RDH12: variants seen among roughly 807,000 people sequenced by gnomAD.
The protein encoded by RDH12 is all-trans and 9-cis retinol dehydrogenase.
In RDH12, 21 loss-of-function variants were observed where a neutral mutation model predicts 34.0. That is an observed-to-expected ratio of 0.62 (90% CI 0.44 to 0.89). RDH12 has a LOEUF of 0.89. RDH12 is among the 40% of genes least tolerant of loss of function. The pLI is 0.00. For missense variants in RDH12, 394 were observed against 398.6 expected (o/e 0.99, Z 0.10); for synonymous variants, 198 against 169.9 (o/e 1.17, Z -1.29).
At chr14:67,725,952 C>A (rs1248324459) in intron 5 of RDH12, 99 bp from the exon 6 acceptor site, 8 of 847,358 alleles carry the variant, frequency 9.4e-6, no homozygotes, top group Non-Finnish European at 1.6e-5. Context: ...CCAACAAAGA[C>A]AACTAATGAA....
chr14:67,714,332 A>T (rs940017693), intron 1 of RDH12, among the ~76,000 whole-genome samples: 1 of 151,720 alleles, frequency 6.6e-6, no homozygotes, highest in Admixed American at 6.6e-5. Flanking sequence ...TAGAGCTGAG[A>T]TCTGATTATG....
At chr14:67,702,771 T>A (rs911840639) in intron 1 of RDH12, among the ~76,000 whole-genome samples, 1 of 152,216 alleles carries the variant, frequency 6.6e-6, no homozygotes, top group Non-Finnish European at 1.5e-5. Context: ...TAAACACATC[T>A]AAACACACAT....
At position 67,726,986 on chromosome 14, in the gene RDH12, T is replaced by A; in HGVS notation, c.454T>A (p.Phe152Ile). The change falls in exon 7 of 9, where the codon TTC becomes ATC. Residue 152 changes from phenylalanine to isoleucine, a missense_variant. Transcript: ENST00000551171. ...THLGVNHLGH[F>I]LLTYLLLERL... ...CCTGCTGGCTCTCCTCACAGGCCAC[T>A]TCCTCCTCACCTACCTGCTCCTGGA... The A allele has an allele frequency of 1.9e-6, 3 of 1,612,506 alleles. No homozygotes were observed. The highest frequency in any genetic ancestry group is 2.5e-6 in the Non-Finnish European group (3 of 1,179,986).
intron 1 of RDH12, among the ~76,000 whole-genome samples, chr14:67,706,580 G>A (rs938045050): frequency 2.0e-5 from 3 of 152,166 alleles, no homozygotes; most frequent in Non-Finnish European, 2.9e-5. Context: ...ACAAACAGGG[G>A]CATTCTTTTG....
chr14:67,725,463 G>A (rs2038174541), intron 5 of RDH12, among the ~76,000 whole-genome samples: 1 of 152,230 alleles, frequency 6.6e-6, no homozygotes, highest in Admixed American at 6.5e-5. Flanking sequence ...CCTCAGCAAT[G>A]GGAATGTCGG....
At chr14:67,713,465 A>C (rs1041844245) in intron 1 of RDH12, among the ~76,000 whole-genome samples, 2 of 149,342 alleles carry the variant, frequency 1.3e-5, no homozygotes, top group Admixed American at 6.7e-5. Flanking sequence ...TCTTGACCAA[A>C]TTTTGGGACA....
At chr14:67,720,999 C>T (rs986745174) in intron 2 of RDH12, 97 bp downstream of exon 2, 3 of 152,186 alleles carry the variant, frequency 2.0e-5, no homozygotes, top group African/African-American at 7.2e-5. Context: ...TGGTCAGGTC[C>T]ATGGGTTTCC....
chr14:67,705,001 A>G (rs2140104352), intron 1 of RDH12, among the ~76,000 whole-genome samples: 1 of 152,310 alleles, frequency 6.6e-6, no homozygotes, highest in African/African-American at 2.4e-5. Context: ...CAGGGAGGTC[A>G]CTCTGAAATC....
chr14:67,731,037 A>G (rs530525530), intron 8 of RDH12, among the ~76,000 whole-genome samples: 114 of 152,226 alleles, frequency 7.5e-4, no homozygotes, highest in African/African-American at 2.6e-3. Context: ...TGATTTTGCT[A>G]TTTGTGGGTT....
intron 1 of RDH12, among the ~76,000 whole-genome samples, chr14:67,713,216 ACT>A (rs1481168955): frequency 1.3e-5 from 2 of 151,750 alleles, no homozygotes; most frequent in South Asian, 2.1e-4. Context: ...GCTGAAAACA[ACT>A]CTCTACCATC....
intron 3 of RDH12, among the ~76,000 whole-genome samples, chr14:67,723,731 T>C (rs1389816367): frequency 6.6e-6 from 1 of 152,186 alleles, no homozygotes; most frequent in Non-Finnish European, 1.5e-5. Flanking sequence ...AAATTACATA[T>C]GGAAAGTGCC....
intron 8 of RDH12, chr14:67,729,952 T>C: frequency 2.6e-6 from 1 of 388,688 alleles, no homozygotes; most frequent in Non-Finnish European, 5.0e-6. Flanking sequence ...CAGCCCTGTC[T>C]GCTCTGTTGT....
chr14:67,725,593 T>G (rs913271315), intron 5 of RDH12, among the ~76,000 whole-genome samples: 3 of 152,244 alleles, frequency 2.0e-5, no homozygotes, highest in African/African-American at 7.2e-5. Context: ...GAAGTTGTGC[T>G]GCTGGCAAGT....
Position 67,734,067 on chromosome 14 carries a change from C to T in RDH12, c.*219C>T. The T allele has an allele frequency of 4.7e-6, 2 of 423,976 alleles. No homozygotes were observed. Among genetic ancestry groups the T allele is most frequent in the Non-Finnish European group, 4.5e-6 (1 of 221,990 alleles). The allele number at this position is 423,976 out of a possible 1,614,324, so 26.3% of individuals were successfully genotyped here. ...GTGGACACCTATAGAGTGTTCTTCT[C>T]TAAGACCTGGAAAGTCAGCAACCCT... On this transcript the variant is annotated 3_prime_UTR_variant, in exon 9 of 9. Transcript: ENST00000551171.
chr14:67,729,776 TC>T (rs1426230167), intron 8 of RDH12: 1 of 502,658 alleles, frequency 2.0e-6, no homozygotes, highest in East Asian at 5.5e-5. Context: ...TCCTCTCTCT[TC>T]GGTGTGAACT....
chr14:67,710,201 C>T lies in RDH12; in HGVS notation c.-275+8266C>T, dbSNP rs150843846. On this transcript the variant is annotated intron_variant, in intron 1 of 8. Coordinates refer to ENST00000551171, the MANE Select transcript of RDH12 (RefSeq NM_152443.3). ...CCACTTTGGGTACATGTCATCAGGA[C>T]TTCCTGAGGCTGTGTCATGGGCTCG... Among the ~76,000 whole-genome samples, 4 of 152,294 alleles carry T rather than the reference C, an allele frequency of 2.6e-5. No individual in the cohort carries two copies. In the East Asian group the frequency reaches 7.7e-4, roughly 29 times the overall value.
At chr14:67,725,398 A>G in intron 5 of RDH12, 144 bp downstream of exon 5, 1 of 857,636 alleles carries the variant, frequency 1.2e-6, no homozygotes, top group Non-Finnish European at 1.9e-6. Flanking sequence ...AGGACAGGGA[A>G]TTGGCAAGAG....
Position 67,708,050 on chromosome 14 carries a change from C to T in RDH12, c.-275+6115C>T, listed in dbSNP as rs113975952. Reference sequence around the variant, plus strand: ...TGGAAACAGATTCTTACTGCACTTACGTAAATAGCTGTATTGTTATAAGTT... The same window carrying T: ...TGGAAACAGATTCTTACTGCACTTATGTAAATAGCTGTATTGTTATAAGTT... On this transcript the variant is annotated intron_variant, in intron 1 of 8. Coordinates refer to ENST00000551171, the MANE Select transcript of RDH12 (RefSeq NM_152443.3). 5.3e-3 allele frequency among the ~76,000 whole-genome samples: 803 copies of T among 152,264 alleles called. 6 individuals are homozygous for T. Among genetic ancestry groups the T allele is most frequent in the African/African-American group, 0.013 (540 of 41,546 alleles).
At chr14:67,732,950 A>T (rs1015384842) in intron 8 of RDH12, among the ~76,000 whole-genome samples, 7 of 152,088 alleles carry the variant, frequency 4.6e-5, no homozygotes, top group African/African-American at 1.4e-4. Flanking sequence ...ATAATTAGAA[A>T]AAAGGAACAT....
Sources: gnomAD v4.1 joint callset for allele counts (sites outside exome capture counted in the v4.1 genomes callset) on GRCh38, gnomAD v4.1.1 for gene constraint, MANE v1.5 for transcripts, NCBI Gene and HGNC (gene_info 2026-07-23, HGNC 2026-07-21) for gene names.